DLC1: variants seen among roughly 807,000 people sequenced by gnomAD.
DLC1 encodes DLC1 Rho GTPase activating protein.
A neutral mutation model predicts 140.3 loss-of-function variants in DLC1; 54 were observed. That is an observed-to-expected ratio of 0.38 (90% CI 0.31 to 0.48). The LOEUF (loss-of-function observed/expected upper bound fraction) is 0.48. Ranked by LOEUF, DLC1 falls within the 20% of genes least tolerant of loss-of-function variation. The pLI, the probability that DLC1 is intolerant of heterozygous loss-of-function variation, is 0.96. For missense variants in DLC1, 2,536 were observed against 1,907.0 expected (o/e 1.33, Z -6.14); for synonymous variants, 986 against 728.1 (o/e 1.35, Z -5.70).
At chr8:13,162,954 C>G (rs931197629) in intron 5 of DLC1, among the ~76,000 whole-genome samples, 32 of 152,174 alleles carry the variant, frequency 2.1e-4, no homozygotes, top group African/African-American at 7.5e-4. Flanking sequence ...CTTGAGGATT[C>G]TTACATACTT....
intron 1 of DLC1, among the ~76,000 whole-genome samples, chr8:13,604,204 A>T (rs1046933808): frequency 6.6e-6 from 1 of 152,160 alleles, no homozygotes; most frequent in Non-Finnish European, 1.5e-5. Flanking sequence ...ACTTTGAACT[A>T]TGTAGCAGAA....
Position 13,529,322 on chromosome 8 carries a change from C to G in DLC1, c.-125-29126G>C, listed in dbSNP as rs17094480. Among the ~76,000 whole-genome samples the G allele has an allele frequency of 1.6e-3, 250 of 152,196 alleles. 5 individuals carry two copies. The East Asian group carries it at 0.044, about 27-fold the overall frequency. On this transcript the variant is annotated intron_variant, in intron 1 of 1. Coordinates refer to the DLC1 transcript ENST00000631382. ...CAATTAACTTGTCACCTGATAATTT[C>G]TATAATTAGACATGCATTATACCCT...
intron 5 of DLC1, among the ~76,000 whole-genome samples, chr8:13,122,402 C>T (rs768058535): frequency 3.3e-5 from 5 of 152,168 alleles, no homozygotes; most frequent in African/African-American, 4.8e-5. Flanking sequence ...CTTCACTCCA[C>T]CAACTTCTCA....
intron 5 of DLC1, among the ~76,000 whole-genome samples, chr8:13,282,069 C>T (rs1411829893): frequency 1.3e-5 from 2 of 152,258 alleles, no homozygotes; most frequent in East Asian, 1.9e-4. Flanking sequence ...GGTGGGGACT[C>T]GTCCCTCCTG....
intron 13 of DLC1, 84 bp from the exon 14 acceptor site, chr8:13,091,516 G>A: frequency 5.5e-6 from 7 of 1,284,200 alleles, no homozygotes; most frequent in Middle Eastern, 2.2e-4. Context: ...ACCCAAAGAA[G>A]AGAGAAAAAA....
intron 5 of DLC1, among the ~76,000 whole-genome samples, chr8:13,211,674 G>C (rs1181472673): frequency 6.6e-6 from 1 of 152,144 alleles, no homozygotes; most frequent in East Asian, 1.9e-4. Context: ...CTGTCTATTA[G>C]ATACAAAACA....
At chr8:13,528,509 T>C (rs1802991359) in intron 1 of DLC1, among the ~76,000 whole-genome samples, 1 of 152,150 alleles carries the variant, frequency 6.6e-6, no homozygotes, top group Admixed American at 6.6e-5. Flanking sequence ...TTTATCCTTA[T>C]GCTGGAAGGT....
At chr8:13,559,092 A>T (rs1804154348) in intron 1 of DLC1, 1 of 152,260 alleles carries the variant, frequency 6.6e-6, no homozygotes, top group African/African-American at 2.4e-5. Flanking sequence ...AGCCAGAACA[A>T]AAGCTCACAT....
chr8:13,153,369 G>C (rs76603144), intron 5 of DLC1, among the ~76,000 whole-genome samples: 8 of 152,182 alleles, frequency 5.3e-5, no homozygotes, highest in Non-Finnish European at 1.2e-4. Flanking sequence ...CTGGCCTCAG[G>C]AGTGAAGCTG....
At position 13,099,900 on chromosome 8, in the gene DLC1, G is replaced by C; in HGVS notation, c.2437C>G (p.His813Asp). Residue 813 changes from histidine to aspartate, a missense_variant, in exon 9 of 18, where the codon CAC (histidine) becomes GAC (aspartate). Transcript: ENST00000276297. ...GCTTTGGGGAAAGTGCCAGGCTTGT[G>C]ATCTTCAGGGATGTAGAACACCGTG... is the stretch of plus-strand genomic sequence containing the variant. ...EDTVFYIPEDHKPGTFPKALT... is the reference protein window; with the variant it reads ...EDTVFYIPEDDKPGTFPKALT... 1 of 1,614,142 alleles carries C rather than the reference G, an allele frequency of 6.2e-7. No individual in the cohort carries two copies. The highest frequency in any genetic ancestry group is 8.5e-7 in the Non-Finnish European group (1 of 1,180,052).
chr8:13,567,815 G>A (rs1407783625), intron 1 of DLC1: 1 of 1,551,820 alleles, frequency 6.4e-7, no homozygotes, highest in South Asian at 1.2e-5. Flanking sequence ...AGATACTCTG[G>A]TTTTGAAAGA....
At chr8:13,121,219 G>T (rs536233096) in intron 5 of DLC1, among the ~76,000 whole-genome samples, 10 of 152,152 alleles carry the variant, frequency 6.6e-5, no homozygotes, top group Non-Finnish European at 1.2e-4. Context: ...TGCTTTTATT[G>T]CTAGAGAACC....
intron 5 of DLC1, among the ~76,000 whole-genome samples, chr8:13,265,719 C>T (rs529519382): frequency 3.3e-5 from 5 of 151,648 alleles, no homozygotes; most frequent in Admixed American, 2.6e-4. Context: ...TCTTCTCTCC[C>T]CTCTCCTCCC....
At chr8:13,401,765 T>C (rs1403121262) in intron 2 of DLC1, 146 bp from the exon 3 acceptor site, 2 of 1,018,616 alleles carry the variant, frequency 2.0e-6, no homozygotes, top group Non-Finnish European at 2.8e-6. Context: ...GTATCATCAA[T>C]GGGCTCTTCA....
At chr8:13,460,536 T>G (rs1799611009) in intron 2 of DLC1, among the ~76,000 whole-genome samples, 1 of 152,134 alleles carries the variant, frequency 6.6e-6, no homozygotes, top group African/African-American at 2.4e-5. Flanking sequence ...TAAGGAAGCA[T>G]TTACAGTCCA....
intron 5 of DLC1, among the ~76,000 whole-genome samples, chr8:13,285,530 A>G (rs1416145392): frequency 6.6e-6 from 1 of 152,152 alleles, no homozygotes; most frequent in Non-Finnish European, 1.5e-5. Flanking sequence ...ACAAAAGAAG[A>G]TATATGAATG....
intron 5 of DLC1, among the ~76,000 whole-genome samples, chr8:13,131,916 A>T (rs1050761758): frequency 6.6e-6 from 1 of 152,146 alleles, no homozygotes; most frequent in Non-Finnish European, 1.5e-5. Flanking sequence ...GACGCAGCAA[A>T]CTACACGCAG....
chr8:13,085,711 C>A lies in DLC1; in HGVS notation c.*100G>T, dbSNP rs1019085996. On this transcript the variant is annotated 3_prime_UTR_variant, in exon 18 of 18. Coordinates refer to ENST00000276297, the MANE Select transcript of DLC1 (RefSeq NM_182643.3). Reference sequence around the variant, plus strand: ...TTCCTACACTCCAGCTTGTAGTTTTCTTTGTTTCAGGATTAGACACAGAAC... The same window carrying A: ...TTCCTACACTCCAGCTTGTAGTTTTATTTGTTTCAGGATTAGACACAGAAC... 4 of 1,531,686 alleles carry A rather than the reference C, an allele frequency of 2.6e-6. No homozygotes were observed. In the African/African-American group the frequency reaches 4.2e-5, roughly 16 times the overall value. 94.9% of individuals were successfully genotyped at this position (1,531,686 alleles called of 1,614,324 possible).
intron 5 of DLC1, among the ~76,000 whole-genome samples, chr8:13,139,058 G>A (rs1387206584): frequency 6.6e-6 from 1 of 151,844 alleles, no homozygotes; most frequent in African/African-American, 2.4e-5. Context: ...GCTAAGGTGG[G>A]AAAATCACAA....
Sources: allele counts gnomAD v4.1 joint callset (sites outside exome capture counted in the v4.1 genomes callset), GRCh38; gene constraint gnomAD v4.1.1; transcripts MANE v1.5; gene names NCBI Gene and HGNC (gene_info 2026-07-23, HGNC 2026-07-21).